The following AHCYL2 variants were observed in gnomAD, a reference collection of about 807,000 sequenced individuals.
The protein encoded by AHCYL2 is adenosylhomocysteinase like 2, also known as S-adenosylhomocysteine hydrolase-like protein 2.
In AHCYL2, 28 loss-of-function variants were observed where a neutral mutation model predicts 81.4. The ratio of observed to expected loss-of-function variants is 0.34; its 90% confidence interval spans 0.25 to 0.47. The LOEUF is 0.47. Ranked by LOEUF, AHCYL2 falls within the 20% of genes least tolerant of loss-of-function variation. AHCYL2 has a pLI of 1.00. For missense variants in AHCYL2, 551 were observed against 785.1 expected, an observed-to-expected ratio of 0.70 and a Z score of 3.56; for synonymous variants, 272 against 290.2, an observed-to-expected ratio of 0.94 and a Z score of 0.64.
chr7:129,308,649 T>C (rs1797530722), intron 1 of AHCYL2, among the ~76,000 whole-genome samples: 1 of 152,220 alleles, frequency 6.6e-6, no homozygotes, highest in African/African-American at 2.4e-5. Context: ...GCTATCTTAC[T>C]CCATGTCTTC....
intron 1 of AHCYL2, among the ~76,000 whole-genome samples, chr7:129,326,929 A>G (rs891032535): frequency 9.9e-5 from 15 of 152,194 alleles, no homozygotes; most frequent in African/African-American, 3.1e-4. Flanking sequence ...AAGCCATTGA[A>G]AGGCTGTAAG....
chr7:129,351,575 A>G (rs550979695), intron 1 of AHCYL2: 16 of 152,340 alleles, frequency 1.1e-4, no homozygotes, highest in Admixed American at 8.5e-4. Context: ...GCCATTGGCA[A>G]TGGTAGAGGC....
At chr7:129,351,662 G>T (rs1584812308) in intron 1 of AHCYL2, 1 of 152,260 alleles carries the variant, frequency 6.6e-6, no homozygotes. Context: ...CCCTTTGCAG[G>T]TAAAAAAACA....
At chr7:129,350,183 G>A (rs1470804899) in intron 1 of AHCYL2, among the ~76,000 whole-genome samples, 1 of 152,104 alleles carries the variant, frequency 6.6e-6, no homozygotes, top group Non-Finnish European at 1.5e-5. Context: ...GCATGCAGAG[G>A]TACCTGGATT....
Position 129,406,259 on chromosome 7 carries a change from G to GA in AHCYL2, c.1207-117dup. ...TGTTCTTCTCGTTTTCCCCAAGTAT[G>GA]AATCTATTCAGTGAAATTCCTCTCG... On this transcript the variant is annotated intron_variant, in intron 9 of 16. Transcript: ENST00000325006. The surrounding 1 kb of genome is among the most constrained non-coding windows in gnomAD (Gnocchi z 4.3). 1 of 831,178 alleles carries GA rather than the reference G, an allele frequency of 1.2e-6. No homozygotes were observed. The highest frequency in any genetic ancestry group is 1.9e-6 in the Non-Finnish European group (1 of 514,062). The allele number at this position is 831,178 out of a possible 1,614,324, so 51.5% of individuals were successfully genotyped here.
chr7:129,350,309 A>G (rs1295387048), intron 1 of AHCYL2, among the ~76,000 whole-genome samples: 2 of 152,162 alleles, frequency 1.3e-5, no homozygotes, highest in South Asian at 2.1e-4. Flanking sequence ...GTATAGCATT[A>G]TAAGGATTAA....
At chr7:129,292,131 A>G (rs953115115) in intron 1 of AHCYL2, among the ~76,000 whole-genome samples, 1 of 152,224 alleles carries the variant, frequency 6.6e-6, no homozygotes, top group African/African-American at 2.4e-5. Context: ...CATTTTTAGT[A>G]GGACTACTGC....
intron 1 of AHCYL2, among the ~76,000 whole-genome samples, chr7:129,364,570 C>T (rs1398820563): frequency 6.6e-6 from 1 of 152,150 alleles, no homozygotes; most frequent in Non-Finnish European, 1.5e-5. Context: ...GGATTACAGG[C>T]GTGAGCCACT....
chr7:129,348,857 T>A (rs1417391288), intron 1 of AHCYL2, among the ~76,000 whole-genome samples: 1 of 152,162 alleles, frequency 6.6e-6, no homozygotes, highest in African/African-American at 2.4e-5. Flanking sequence ...ATTCCAGACT[T>A]TCCAGATTCT....
intron 5 of AHCYL2, among the ~76,000 whole-genome samples, chr7:129,398,741 A>G (rs184652216): frequency 1.3e-5 from 2 of 152,188 alleles, no homozygotes; most frequent in Admixed American, 6.5e-5. Context: ...AGGGCAAATG[A>G]GACAATGTCC....
chr7:129,405,458 A>G, intron 8 of AHCYL2: 1 of 360,012 alleles, frequency 2.8e-6, no homozygotes, highest in Non-Finnish European at 4.9e-6. Flanking sequence ...TTATGTTTAA[A>G]AGTTACTGTG....
chr7:129,234,524 C>T (rs907698663), intron 1 of AHCYL2, among the ~76,000 whole-genome samples: 21 of 151,762 alleles, frequency 1.4e-4, no homozygotes, highest in African/African-American at 3.9e-4. Flanking sequence ...ATTACAGGCG[C>T]GAGCCCACAC....
At chr7:129,306,337 C>T (rs1653951698) in intron 1 of AHCYL2, among the ~76,000 whole-genome samples, 1 of 152,050 alleles carries the variant, frequency 6.6e-6, no homozygotes, top group South Asian at 2.1e-4. Flanking sequence ...TCTTCAGGCT[C>T]ACAGTTCTTC....
At chr7:129,346,545 A>C (rs931392638) in intron 1 of AHCYL2, among the ~76,000 whole-genome samples, 5 of 152,214 alleles carry the variant, frequency 3.3e-5, no homozygotes, top group African/African-American at 4.8e-5. Context: ...TCAACATCAT[A>C]TGTCATTAGG....
rs1252270597 is a variant in AHCYL2 at position 129,225,120 on chromosome 7, C to T, written c.44C>T (p.Pro15Leu). Residue 15 changes from proline to leucine, a missense_variant, in exon 1 of 17, where the codon CCT becomes CTT. Physicochemically the swap from Pro to Leu is moderately conservative, Grantham distance 98 (BLOSUM62 -3). This residue lies in a region of AHCYL2 where 235 missense variants were observed against 242.1 expected (regional missense o/e 0.97). Transcript: ENST00000325006. ...TCAGCCGCGGCTGCCGCCAAGGTGC[C>T]TGAGGTGGAGCTGAAGGACCTGAGC... ...VVSAAAAAKV[P>L]EVELKDLSPS... is the part of the protein sequence containing the mutation. 6.2e-7 allele frequency: 1 copy of T among 1,602,362 alleles called. No individual in the cohort carries two copies. Among genetic ancestry groups the T allele is most frequent in the South Asian group, 1.1e-5 (1 of 89,134 alleles).
rs144944799 is a variant in AHCYL2, at chr7:129,396,507, C to T, written c.721-715C>T. Among the ~76,000 whole-genome samples, 12 of 151,354 alleles carry T rather than the reference C, an allele frequency of 7.9e-5. No individual in the cohort carries two copies. In the East Asian group the frequency reaches 1.4e-3, roughly 17 times the overall value. ...TGCAATCTCAGCTCACTGCAATCTTCGCCTCACCGTTTCAAGCCATTGTCC... is the reference window on the plus strand; with the variant it reads ...TGCAATCTCAGCTCACTGCAATCTTTGCCTCACCGTTTCAAGCCATTGTCC... On this transcript the variant is annotated intron_variant, in intron 4 of 16. Transcript: ENST00000325006.
chr7:129,390,833 T>C (rs898471539), intron 4 of AHCYL2, among the ~76,000 whole-genome samples: 8 of 152,228 alleles, frequency 5.3e-5, no homozygotes, highest in African/African-American at 1.7e-4. Flanking sequence ...GGAATTACCA[T>C]GATTTGCTTA....
chr7:129,378,063 C>T (rs1193816677), intron 1 of AHCYL2, among the ~76,000 whole-genome samples: 1 of 151,834 alleles, frequency 6.6e-6, no homozygotes, highest in Non-Finnish European at 1.5e-5. Context: ...CCTGTAATCC[C>T]AGCACTTTGG....
chr7:129,283,306 T>TA (rs1441602848), intron 1 of AHCYL2: 3 of 454,336 alleles, frequency 6.6e-6, no homozygotes, highest in African/African-American at 6.0e-5. Context: ...TCACAGAACT[T>TA]ACTTCACTTG....
Sources: gnomAD v4.1 joint callset for allele counts (sites outside exome capture counted in the v4.1 genomes callset) on GRCh38, gnomAD v4.1.1 for gene constraint, gnomAD v4.1.1 regional missense constraint, Gnocchi (gnomAD v3.1) non-coding constraint, MANE v1.5 for transcripts, NCBI Gene and HGNC (gene_info 2026-07-23, HGNC 2026-07-21) for gene names.